Variants in FRMD3 observed in about 807,000 individuals in gnomAD.
FRMD3 encodes FERM domain-containing protein 3.
A neutral mutation model predicts 70.2 loss-of-function variants in FRMD3; 33 were observed. The ratio of observed to expected loss-of-function variants is 0.47; its 90% CI spans 0.36 to 0.63. The LOEUF (loss-of-function observed/expected upper bound fraction) is 0.63, where lower values mean the gene tolerates loss of function less well. Ranked by LOEUF, FRMD3 falls within the 20% of genes least tolerant of loss-of-function variation. FRMD3 has a pLI of 0.00. For synonymous variants in FRMD3, 279 were observed against 255.9 expected (o/e 1.09, Z -0.86); for missense variants, 632 against 711.4 (o/e 0.89, Z 1.27).
chr9:83,349,179 G>A (rs570380456), intron 4 of FRMD3, among the ~76,000 whole-genome samples: 1 of 152,294 alleles, frequency 6.6e-6, no homozygotes, highest in South Asian at 2.1e-4. Flanking sequence ...AAGGGAGGAG[G>A]TCCAAGGACT....
chr9:83,516,313 G>A (rs990996202), intron 1 of FRMD3, among the ~76,000 whole-genome samples: 49 of 151,950 alleles, frequency 3.2e-4, no homozygotes, highest in African/African-American at 1.2e-3. Flanking sequence ...AAAAGCAGGG[G>A]TTGCAATCCT....
At position 83,381,228 on chromosome 9, in the gene FRMD3, T is replaced by C. The variant is rs554875244; in HGVS notation, c.253-8273A>G. On this transcript the variant is annotated intron_variant, in intron 2 of 13. Transcript: ENST00000304195. ...CAACAAACCTGTAGATCACGAACGC[T>C]CAAAAATGTTTTTCCATTTGGAAAT... is the stretch of plus-strand genomic sequence containing the variant. 3.9e-5 allele frequency among the ~76,000 whole-genome samples: 6 copies of C among 152,216 alleles called. No homozygotes were observed. The South Asian group carries it at 1.2e-3, about 32-fold the overall frequency.
At chr9:83,400,550 GA>G (rs1825925752) in intron 1 of FRMD3, among the ~76,000 whole-genome samples, 1 of 152,152 alleles carries the variant, frequency 6.6e-6, no homozygotes, top group Non-Finnish European at 1.5e-5. Flanking sequence ...GATGTTTTGT[GA>G]AAAGGCAAAA....
chr9:83,453,164 T>C (rs762323051), intron 1 of FRMD3, among the ~76,000 whole-genome samples: 1 of 152,156 alleles, frequency 6.6e-6, no homozygotes, highest in Admixed American at 6.5e-5. Context: ...CCTAAAATTT[T>C]ATTACCTTAA....
intron 3 of FRMD3, among the ~76,000 whole-genome samples, chr9:83,358,391 CAT>C (rs1824473081): frequency 1.3e-5 from 2 of 152,078 alleles, no homozygotes; most frequent in Admixed American, 1.3e-4. Context: ...TTTCTTTTTG[CAT>C]AGTCTTGCTT....
intron 1 of FRMD3, among the ~76,000 whole-genome samples, chr9:83,517,530 C>G (rs1048129078): frequency 1.0e-4 from 15 of 147,206 alleles, no homozygotes; most frequent in African/African-American, 3.7e-4. Context: ...AACCTAGGAC[C>G]GATGGATTCA....
chr9:83,447,865 A>C (rs534608149), intron 1 of FRMD3, among the ~76,000 whole-genome samples: 114 of 152,330 alleles, frequency 7.5e-4, no homozygotes, highest in African/African-American at 2.7e-3. Context: ...AAGTTTCTTA[A>C]TTTAAAAAAT....
chr9:83,287,127 C>T (rs1834250239), intron 13 of FRMD3, among the ~76,000 whole-genome samples: 1 of 152,160 alleles, frequency 6.6e-6, no homozygotes, highest in African/African-American at 2.4e-5. Flanking sequence ...CTGCTTCAGC[C>T]CTTGCATATC....
chr9:83,493,710 T>C (rs976025773), intron 1 of FRMD3, among the ~76,000 whole-genome samples: 4 of 152,232 alleles, frequency 2.6e-5, no homozygotes, highest in African/African-American at 9.6e-5. Flanking sequence ...CTCAAACTTA[T>C]TGCTCACAGA....
chr9:83,285,181 C>T (rs188809771), intron 13 of FRMD3, among the ~76,000 whole-genome samples: 3 of 152,218 alleles, frequency 2.0e-5, no homozygotes, highest in Non-Finnish European at 2.9e-5. Flanking sequence ...CTGCCTCTGC[C>T]TTCCACACAC....
chr9:83,507,042 C>T (rs564281632), intron 1 of FRMD3, among the ~76,000 whole-genome samples: 152 of 152,198 alleles, frequency 1.0e-3, no homozygotes, highest in Non-Finnish European at 1.8e-3. Flanking sequence ...GGCAATAACA[C>T]GCATGAAGTT....
intron 10 of FRMD3, among the ~76,000 whole-genome samples, chr9:83,309,082 T>G (rs1024846944): frequency 3.3e-5 from 5 of 152,102 alleles, no homozygotes; most frequent in Admixed American, 2.6e-4. Context: ...TAATGCATCT[T>G]ATATTGCTTC....
intron 10 of FRMD3, among the ~76,000 whole-genome samples, chr9:83,300,028 G>T (rs552958213): frequency 6.6e-6 from 1 of 152,176 alleles, no homozygotes; most frequent in Non-Finnish European, 1.5e-5. Context: ...GTTCAGCATC[G>T]TTTAAAATAT....
At position 83,445,379 on chromosome 9, in the gene FRMD3, T is replaced by TAGATAGATAGATAGAC. The variant is rs1554706371; in HGVS notation, c.148-55672_148-55671insGTCTATCTATCTATCT. On this transcript the variant is annotated intron_variant, in intron 1 of 13. Transcript: ENST00000304195. ...ATAGATAGATAGATAGATAGATAGA[T>TAGATAGATAGATAGAC]AGACAGATAGATAAGATACTGCTGG... is the stretch of plus-strand genomic sequence containing the variant. Among the ~76,000 whole-genome samples, 497 of 150,958 alleles carry TAGATAGATAGATAGAC rather than the reference T, an allele frequency of 3.3e-3. 3 individuals carry two copies. Among genetic ancestry groups the TAGATAGATAGATAGAC allele is most frequent in the Middle Eastern group, 6.8e-3 (2 of 294 alleles).
chr9:83,262,963 C>T (rs1833056637), intron 13 of FRMD3, among the ~76,000 whole-genome samples: 1 of 152,086 alleles, frequency 6.6e-6, no homozygotes, highest in Non-Finnish European at 1.5e-5. Flanking sequence ...GCATATGGGC[C>T]AACCCTGAAA....
chr9:83,320,365 G>T (rs1835751835), intron 6 of FRMD3, among the ~76,000 whole-genome samples: 1 of 152,150 alleles, frequency 6.6e-6, no homozygotes, highest in South Asian at 2.1e-4. Flanking sequence ...CTCATGAAGA[G>T]ATGCTGAAGT....
chr9:83,508,190 TAA>T (rs1829248679), intron 1 of FRMD3, among the ~76,000 whole-genome samples: 1 of 152,162 alleles, frequency 6.6e-6, no homozygotes, highest in African/African-American at 2.4e-5. Context: ...GCTTTTTACG[TAA>T]AATTACATGA....
rs146635841 is a variant in FRMD3 at position 83,424,508 on chromosome 9, G to A, written c.148-34800C>T. ...AGATAAGAGCAGCCCTTGTACATTC[G>A]GACACAATGGTATCTTAAAGAGAAA... On this transcript the variant is annotated intron_variant, in intron 1 of 13. Transcript: ENST00000304195. 5.8e-4 allele frequency among the ~76,000 whole-genome samples: 89 copies of A among 152,206 alleles called. No individual in the cohort carries two copies. In the East Asian group the frequency reaches 0.016, roughly 28 times the overall value.
At chr9:83,428,361 G>A (rs1826872880) in intron 1 of FRMD3, among the ~76,000 whole-genome samples, 1 of 151,530 alleles carries the variant, frequency 6.6e-6, no homozygotes, top group African/African-American at 2.4e-5. Flanking sequence ...CTGGACAACA[G>A]AGCGAGACTC....
Sources: gnomAD v4.1 joint callset for allele counts (sites outside exome capture counted in the v4.1 genomes callset) on GRCh38, gnomAD v4.1.1 for gene constraint, MANE v1.5 for transcripts, NCBI Gene and HGNC (gene_info 2026-07-23, HGNC 2026-07-21) for gene names.